CEP44: variants seen among roughly 807,000 people sequenced by gnomAD.
CEP44 encodes centrosomal protein 44.
Under a neutral mutation model 46.7 loss-of-function variants are expected in CEP44, and 45 were observed. The ratio of observed to expected loss-of-function variants is 0.96; its 90% CI spans 0.76 to 1.24. CEP44 has a LOEUF of 1.24. CEP44 is among the 50% of genes most tolerant of loss of function. The pLI is 0.00. For missense variants in CEP44, 475 were observed against 459.7 expected, an observed-to-expected ratio of 1.03 and a Z score of -0.30; for synonymous variants, 142 against 146.0, an observed-to-expected ratio of 0.97 and a Z score of 0.20.
chr4:174,315,557 A>T (rs1741576383), intron 9 of CEP44, among the ~76,000 whole-genome samples: 1 of 152,186 alleles, frequency 6.6e-6, no homozygotes, highest in South Asian at 2.1e-4. Context: ...AGTAGTAAAA[A>T]AATTTGTGAA....
chr4:174,303,632 G>T, intron 4 of CEP44, 71 bp from the exon 5 acceptor site: 1 of 958,238 alleles, frequency 1.0e-6, no homozygotes, highest in Non-Finnish European at 1.6e-6. Context: ...CCCTGACCAG[G>T]TGGGCATTAT....
rs978052868 is a variant in CEP44 at position 174,318,092 on chromosome 4, T to C, written c.*709T>C. 2.0e-6 allele frequency: 2 copies of C among 982,478 alleles called. No individual in the cohort carries two copies. The highest frequency in any genetic ancestry group is 2.4e-6 in the Non-Finnish European group (2 of 827,234). The allele number at this position is 982,478 out of a possible 1,614,324, so 60.9% of individuals were successfully genotyped here. On this transcript the variant is annotated 3_prime_UTR_variant, in exon 12 of 12. Coordinates refer to ENST00000503780, the MANE Select transcript of CEP44 (RefSeq NM_001040157.3). ...TTTTTTTGGAGGGGGGGATGGAGTTTCGCTGTTGTTGCCCAGGCTGGAGTG... is the reference window on the plus strand; with the variant it reads ...TTTTTTTGGAGGGGGGGATGGAGTTCCGCTGTTGTTGCCCAGGCTGGAGTG...
At chr4:174,333,196 G>A (rs1731394552) in exon 9 of CEP44, 1 of 150,866 alleles carries the variant, frequency 6.6e-6, no homozygotes, top group Non-Finnish European at 1.5e-5. Context: ...GTTAATTAGA[G>A]AGCGTAAAAG....
At chr4:174,330,945 A>G (rs1303384235) in intron 8 of CEP44, among the ~76,000 whole-genome samples, 1 of 152,204 alleles carries the variant, frequency 6.6e-6, no homozygotes, top group Admixed American at 6.5e-5. Context: ...CGTTAATATA[A>G]AAAGTACCAT....
intron 1 of CEP44, among the ~76,000 whole-genome samples, chr4:174,292,905 C>A (rs1209924170): frequency 1.3e-5 from 2 of 152,222 alleles, no homozygotes; most frequent in Non-Finnish European, 2.9e-5. Context: ...GTTTCTGTAA[C>A]CTTATTGGTT....
Position 174,320,278 on chromosome 4 carries a change from T to C in CEP44, c.*2895T>C. 1 of 980,802 alleles carries C rather than the reference T, an allele frequency of 1.0e-6. No individual in the cohort carries two copies. The allele number at this position is 980,802 out of a possible 1,614,324, so 60.8% of individuals were successfully genotyped here. The stretch of plus-strand genomic sequence containing the variant: ...CATGTTTGCTTGTTTTCCTCTACTG[T>C]TTTTAATGTGATGTTGTAATATATT... On this transcript the variant is annotated 3_prime_UTR_variant, in exon 12 of 12. Coordinates refer to ENST00000503780, the MANE Select transcript of CEP44 (RefSeq NM_001040157.3).
Position 174,308,803 on chromosome 4 carries a change from G to C in CEP44, c.622G>C (p.Ala208Pro), listed in dbSNP as rs1740747628. 6.2e-7 allele frequency: 1 copy of C among 1,613,310 alleles called. No homozygotes were observed. Among genetic ancestry groups the C allele is most frequent in the Non-Finnish European group, 8.5e-7 (1 of 1,179,448 alleles). Reference sequence around the variant, plus strand: ...AGCAGTTGATGTGTCTGACTTAAATGCTACTGAAATAAAGATGCCTGAAGT... The same window carrying C: ...AGCAGTTGATGTGTCTGACTTAAATCCTACTGAAATAAAGATGCCTGAAGT... ...NEAVDVSDLN[A>P]TEIKMPEVKV... The change falls in exon 7 of 12, where the codon GCT becomes CCT. Residue 208 changes from alanine to proline, a missense_variant. Ala to Pro is a conservative substitution (Grantham distance 27, BLOSUM62 -1). Transcript: ENST00000503780.
At chr4:174,316,383 A>G (rs1741715209) in intron 10 of CEP44, 93 bp downstream of exon 10, 2 of 1,420,226 alleles carry the variant, frequency 1.4e-6, no homozygotes, top group East Asian at 4.6e-5. Context: ...AAAAATAGCA[A>G]ACGCGAATCT....
intron 1 of CEP44, chr4:174,284,219 C>T (rs1433404892): frequency 7.6e-6 from 3 of 397,246 alleles, no homozygotes; most frequent in African/African-American, 4.1e-5. Context: ...ACAGAGACCC[C>T]GGGCGGAGAC....
intron 7 of CEP44, 35 bp downstream of exon 7, chr4:174,308,894 A>AT (rs754377091): frequency 6.4e-6 from 10 of 1,571,430 alleles, no homozygotes; most frequent in African/African-American, 1.4e-5. Flanking sequence ...AGATGCCAGT[A>AT]TTTTTTACTT....
In CEP44 at chr4:174,287,515, C is replaced by A. The variant is rs1579057776; in HGVS notation, c.-148+3572C>A. Among the ~76,000 whole-genome samples the A allele has an allele frequency of 6.6e-6, 1 of 152,144 alleles. No individual in the cohort carries two copies. Among genetic ancestry groups the A allele is most frequent in the Non-Finnish European group, 1.5e-5 (1 of 68,024 alleles). On this transcript the variant is annotated intron_variant, in intron 1 of 11. Transcript: ENST00000503780. The surrounding 1 kb of genome is among the most constrained non-coding windows in gnomAD (Gnocchi z 5.1). The stretch of plus-strand genomic sequence containing the variant: ...AGGTGTTGAACAGCTTGAGATATCA[C>A]CAAACATCCTTATCCAGGTCCAGGA...
At chr4:174,313,689 G>C (rs1741349744) in intron 9 of CEP44, among the ~76,000 whole-genome samples, 1 of 152,144 alleles carries the variant, frequency 6.6e-6, no homozygotes, top group African/African-American at 2.4e-5. Flanking sequence ...CTAAGGCAAT[G>C]ATAGTGAGGA....
intron 9 of CEP44, among the ~76,000 whole-genome samples, chr4:174,315,758 G>A (rs996915790): frequency 1.3e-5 from 2 of 150,708 alleles, no homozygotes; most frequent in African/African-American, 4.9e-5. Flanking sequence ...GGAGAATGGC[G>A]TGAACCCGGG....
chr4:174,322,597 T>C (rs889929032), downstream of CEP44, among the ~76,000 whole-genome samples: 2 of 152,172 alleles, frequency 1.3e-5, no homozygotes, highest in African/African-American at 4.8e-5. Flanking sequence ...ATGAGTGTTA[T>C]GTGAAAAGAG....
rs754182200 is a variant in CEP44, at chr4:174,329,443, TTGTAAA to T, written c.1087-2035_1087-2030del. Among the ~76,000 whole-genome samples, 75 of 152,200 alleles carry T rather than the reference TTGTAAA, an allele frequency of 4.9e-4. No individual in the cohort carries two copies. The highest frequency in any genetic ancestry group is 1.0e-3 in the Non-Finnish European group (71 of 68,038). ...AGTACAGTTTTAAGTTGGTTTTACA[TTGTAAA>T]TGTTAAGGAAACGTGTTTAAATTGT... On this transcript the variant is annotated intron_variant, in intron 8 of 8. Transcript: ENST00000426172. The surrounding 1 kb of genome is among the most constrained non-coding windows in gnomAD (Gnocchi z 4.0).
At chr4:174,305,011 A>G (rs1323047341) in intron 6 of CEP44, among the ~76,000 whole-genome samples, 1 of 152,182 alleles carries the variant, frequency 6.6e-6, no homozygotes, top group Non-Finnish European at 1.5e-5. Context: ...GCTGGAGAAG[A>G]CTCTGATTGA....
In CEP44 at chr4:174,295,563, G is replaced by T. The variant is rs551509864; in HGVS notation, c.-147-2403G>T. On this transcript the variant is annotated intron_variant, in intron 1 of 11. Coordinates refer to ENST00000503780, the MANE Select transcript of CEP44 (RefSeq NM_001040157.3). Reference sequence around the variant, plus strand: ...AGACGATGGGCGGCCAGGCAGAGACGCTCCTCACTTCCCAGACGGGGTGGC... The same window carrying T: ...AGACGATGGGCGGCCAGGCAGAGACTCTCCTCACTTCCCAGACGGGGTGGC... 2.4e-3 allele frequency among the ~76,000 whole-genome samples: 363 copies of T among 149,726 alleles called. 2 individuals carry two copies. The highest frequency in any genetic ancestry group is 7.8e-3 in the African/African-American group (317 of 40,586).
In CEP44 at chr4:174,310,693, A is replaced by G. The variant is rs1436148095; in HGVS notation, c.886-90A>G. On this transcript the variant is annotated intron_variant, in intron 8 of 11. Transcript: ENST00000503780. The surrounding 1 kb of genome is among the most constrained non-coding windows in gnomAD (Gnocchi z 4.2). ...AAAATATTTAAACATTTATCATGCTACCTTTATATTTTATGCTCAGCATTA... is the reference window on the plus strand; with the variant it reads ...AAAATATTTAAACATTTATCATGCTGCCTTTATATTTTATGCTCAGCATTA... 7 of 690,130 alleles carry G rather than the reference A, an allele frequency of 1.0e-5. No individual in the cohort carries two copies. Among genetic ancestry groups the G allele is most frequent in the South Asian group, 7.2e-5 (4 of 55,928 alleles). The allele number at this position is 690,130 out of a possible 1,614,324, so 42.8% of individuals were successfully genotyped here.
downstream of CEP44, among the ~76,000 whole-genome samples, chr4:174,321,311 C>T (rs1056899756): frequency 6.6e-6 from 1 of 152,114 alleles, no homozygotes; most frequent in Non-Finnish European, 1.5e-5. Flanking sequence ...ATATATACAG[C>T]TTCTTGCAAT....
Sources: gnomAD v4.1 joint callset for allele counts (sites outside exome capture counted in the v4.1 genomes callset) on GRCh38, gnomAD v4.1.1 for gene constraint, Gnocchi (gnomAD v3.1) non-coding constraint, MANE v1.5 for transcripts, NCBI Gene and HGNC (gene_info 2026-07-23, HGNC 2026-07-21) for gene names.